SRGAP2: variants seen among roughly 807,000 people sequenced by gnomAD.
SRGAP2 encodes the protein SLIT-ROBO Rho GTPase-activating protein 2.
Under a neutral mutation model 57.2 loss-of-function variants are expected in SRGAP2, and 15 were observed. That is an observed-to-expected ratio of 0.26 (90% CI 0.18 to 0.40). The LOEUF is 0.40. Among genes scored for constraint, SRGAP2 ranks in the 10% least tolerant of loss-of-function variants. The pLI is 1.00. For synonymous variants in SRGAP2, 249 were observed against 248.0 expected (o/e 1.00, Z -0.04); for missense variants, 520 against 669.6 (o/e 0.78, Z 2.47).
chr1:206,357,705 T>C (rs1399161936), intron 4 of SRGAP2, among the ~76,000 whole-genome samples: 2 of 147,800 alleles, frequency 1.4e-5, no homozygotes, highest in Non-Finnish European at 3.0e-5. Flanking sequence ...TGCCTCAGCC[T>C]CCCGAGTAGC....
At chr1:206,325,342 T>G (rs1673799833) in intron 3 of SRGAP2, among the ~76,000 whole-genome samples, 1 of 152,102 alleles carries the variant, frequency 6.6e-6, no homozygotes, top group South Asian at 2.1e-4. Context: ...TACTTTGTTC[T>G]GTTATTCTTT....
intron 13 of SRGAP2, among the ~76,000 whole-genome samples, chr1:206,422,986 G>T (rs1284326007): frequency 6.6e-6 from 1 of 152,222 alleles, no homozygotes; most frequent in African/African-American, 2.4e-5. Flanking sequence ...TACTTGGAAG[G>T]TGAGTAATCT....
intron 13 of SRGAP2, among the ~76,000 whole-genome samples, chr1:206,426,345 A>G (rs1043558257): frequency 9.8e-5 from 15 of 152,344 alleles, no homozygotes; most frequent in Admixed American, 9.1e-4. Flanking sequence ...CATTGTGTAT[A>G]TATACCACAT....
chr1:206,461,198 C>A lies in SRGAP2; in HGVS notation c.2994C>A (p.Thr998=). 1.3e-6 allele frequency: 1 copy of A among 780,638 alleles called. No individual in the cohort carries two copies. Among genetic ancestry groups the A allele is most frequent in the South Asian group, 1.3e-5 (1 of 74,602 alleles). 48.4% of individuals were successfully genotyped at this position (780,638 alleles called of 1,614,324 possible). A position where few individuals can be genotyped will look rare whatever the true frequency, so the allele number is the denominator to read the frequency against. ...CAGAGCCCTCCAGCCCTCTGCACAC[C>A]CAGCTCCTCAAGGACCCCGAGCCCG... ...PTSEPSSPLH[T]QLLKDPEPAF... The change falls in exon 23 of 23, where the codon ACC becomes ACA. Residue 998 remains threonine, a synonymous_variant. Coordinates refer to ENST00000573034, the MANE Select transcript of SRGAP2 (RefSeq NM_015326.5).
intron 3 of SRGAP2, among the ~76,000 whole-genome samples, chr1:206,340,942 G>A (rs1675140682): frequency 2.0e-5 from 3 of 151,798 alleles, no homozygotes; most frequent in East Asian, 1.9e-4. Flanking sequence ...TGATTGGCAC[G>A]CTTAAGAGTT....
rs1344115743 is a variant in SRGAP2 at position 206,284,149 on chromosome 1, C to T, written c.68-19132C>T. ...TTTAAGTTTTGTTTCTACATGGTAGCGGTTACCACAGAGAGTTTCAACTGC... is the reference window on the plus strand; with the variant it reads ...TTTAAGTTTTGTTTCTACATGGTAGTGGTTACCACAGAGAGTTTCAACTGC... On this transcript the variant is annotated intron_variant, in intron 2 of 22. Transcript: ENST00000573034. Among the ~76,000 whole-genome samples the T allele has an allele frequency of 6.7e-5, 10 of 149,954 alleles. No homozygotes were observed. In the East Asian group the frequency reaches 1.8e-3, roughly 27 times the overall value.
At chr1:206,289,496 C>A (rs1230594546) in intron 2 of SRGAP2, among the ~76,000 whole-genome samples, 1 of 151,848 alleles carries the variant, frequency 6.6e-6, no homozygotes, top group African/African-American at 2.4e-5. Context: ...CCAGGATGGT[C>A]TCGATCTCCT....
chr1:206,454,266 C>A lies in SRGAP2; in HGVS notation c.2361-612C>A. On this transcript the variant is annotated intron_variant, in intron 20 of 22. Transcript: ENST00000573034. The surrounding 1 kb of genome is among the most constrained non-coding windows in gnomAD (Gnocchi z 4.3). ...AATCTGTGCGTGGACAGGACCCTCC[C>A]AAATTTAGCATTATGACTTCACCAC... 1 of 690,786 alleles carries A rather than the reference C, an allele frequency of 1.4e-6. No homozygotes were observed. 42.8% of individuals were successfully genotyped at this position (690,786 alleles called of 1,614,324 possible).
intron 17 of SRGAP2, among the ~76,000 whole-genome samples, chr1:206,440,792 AC>A (rs1345522589): frequency 1.3e-5 from 2 of 152,146 alleles, no homozygotes; most frequent in Non-Finnish European, 2.9e-5. Context: ...TGATGTGCCC[AC>A]CTCAGCCTCC....
intron 2 of SRGAP2, among the ~76,000 whole-genome samples, chr1:206,290,164 A>T (rs1406825350): frequency 3.3e-5 from 5 of 152,116 alleles, no homozygotes; most frequent in Admixed American, 3.3e-4. Flanking sequence ...AAAATATCAG[A>T]GTTCATGACT....
chr1:206,214,765 C>T (rs1666539756), intron 2 of SRGAP2: 1 of 145,934 alleles, frequency 6.9e-6, no homozygotes, highest in Non-Finnish European at 1.5e-5. Flanking sequence ...GCACTCCAGC[C>T]TGGGCAACAA....
At chr1:206,311,207 A>T (rs1672614541) in intron 3 of SRGAP2, among the ~76,000 whole-genome samples, 1 of 151,942 alleles carries the variant, frequency 6.6e-6, no homozygotes, top group South Asian at 2.1e-4. Flanking sequence ...GTTCTGGGTG[A>T]CTATAAAGTA....
At position 206,438,322 on chromosome 1, in the gene SRGAP2, CT is replaced by C. The variant is rs797043579; in HGVS notation, c.1768+235del. On this transcript the variant is annotated intron_variant, in intron 16 of 22. Transcript: ENST00000573034. Reference sequence around the variant, plus strand: ...GACCCCCCAAGTCAGTACTCCTGGCCTTTTTTTTTTTCTTCTGATTCATCTC... The same window carrying C: ...GACCCCCCAAGTCAGTACTCCTGGCCTTTTTTTTTTCTTCTGATTCATCTC... Among the ~76,000 whole-genome samples, 1,266 of 145,826 alleles carry C rather than the reference CT, an allele frequency of 8.7e-3. 7 individuals are homozygous for C. The highest frequency in any genetic ancestry group is 0.012 in the Non-Finnish European group (787 of 65,940).
intron 22 of SRGAP2, among the ~76,000 whole-genome samples, chr1:206,459,807 G>A (rs1283052287): frequency 3.3e-5 from 5 of 152,190 alleles, no homozygotes; most frequent in African/African-American, 9.7e-5. Flanking sequence ...CTCTGCTTAC[G>A]GAGATGTACC....
At chr1:206,360,039 C>A (rs1416963877) in intron 4 of SRGAP2, among the ~76,000 whole-genome samples, 4 of 151,676 alleles carry the variant, frequency 2.6e-5, no homozygotes, top group African/African-American at 9.7e-5. Context: ...ATCTCCTGAC[C>A]TCGTGATCCG....
chr1:206,260,111 A>G (rs1553313237), intron 2 of SRGAP2, among the ~76,000 whole-genome samples: 2 of 78,098 alleles, frequency 2.6e-5, no homozygotes, highest in African/African-American at 5.0e-5. Flanking sequence ...GTACATTTTT[A>G]GAAGACACTT....
chr1:206,458,694 C>T lies in SRGAP2; in HGVS notation c.2579C>T (p.Ser860Phe), dbSNP rs1553379317. The T allele has an allele frequency of 1.3e-6, 1 of 779,314 alleles. No individual in the cohort carries two copies. The highest frequency in any genetic ancestry group is 1.7e-5 in the African/African-American group (1 of 59,080). 48.3% of individuals were successfully genotyped at this position (779,314 alleles called of 1,614,324 possible). The change falls in exon 22 of 23, where the codon TCC (serine) becomes TTC (phenylalanine). Residue 860 changes from serine to phenylalanine, a missense_variant. By Grantham distance (155) the Ser-to-Phe change is radical. This residue lies in a region of SRGAP2 where 478 missense variants were observed against 373.6 expected (regional missense o/e 1.28). Coordinates refer to ENST00000573034, the MANE Select transcript of SRGAP2 (RefSeq NM_015326.5). The part of the protein sequence containing the change: ...FRSDSHGLSS[S>F]LTDSSSPGVG... The stretch of plus-strand genomic sequence containing the variant: ...AGTGACAGCCATGGGCTGAGCAGTT[C>T]CCTGACTGACTCCTCCTCCCCAGGG...
chr1:206,250,173 G>C lies in SRGAP2; in HGVS notation c.67+44136G>C, dbSNP rs558734745. 4.1e-3 allele frequency among the ~76,000 whole-genome samples: 631 copies of C among 152,078 alleles called. 3 individuals carry two copies. The highest frequency in any genetic ancestry group is 0.014 in the African/African-American group (571 of 41,466). On this transcript the variant is annotated intron_variant, in intron 2 of 22. Transcript: ENST00000573034. Reference sequence around the variant, plus strand: ...ATTAGTACCACTCTTTAATCATAAAGTCAGAGGATGTTATGATTGGAAGGG... The same window carrying C: ...ATTAGTACCACTCTTTAATCATAAACTCAGAGGATGTTATGATTGGAAGGG...
At chr1:206,230,631 T>A (rs1336301223) in intron 2 of SRGAP2, among the ~76,000 whole-genome samples, 7 of 145,328 alleles carry the variant, frequency 4.8e-5, no homozygotes, top group Non-Finnish European at 3.1e-5. Flanking sequence ...GGAGCTGTAT[T>A]TTTTTTTTTT....
Sources: gnomAD v4.1 joint callset for allele counts (sites outside exome capture counted in the v4.1 genomes callset) on GRCh38, gnomAD v4.1.1 for gene constraint, gnomAD v4.1.1 regional missense constraint, Gnocchi (gnomAD v3.1) non-coding constraint, MANE v1.5 for transcripts, NCBI Gene and HGNC (gene_info 2026-07-23, HGNC 2026-07-21) for gene names.